The following CYFIP1 variants were observed in gnomAD, a reference collection of about 807,000 sequenced individuals.
CYFIP1 encodes the protein cytoplasmic FMR1 interacting protein 1, also known as cytoplasmic FMR1-interacting protein 1.
In CYFIP1, 58 loss-of-function variants were observed where a neutral mutation model predicts 163.5. The ratio of observed to expected loss-of-function variants is 0.35; its 90% CI spans 0.29 to 0.44. CYFIP1 has a LOEUF of 0.44. Ranked by LOEUF, CYFIP1 falls within the 20% of genes least tolerant of loss-of-function variation. The probability of loss-of-function intolerance (pLI) is 1.00; values close to 1 mark genes in which losing one functional copy is unlikely to be tolerated. For missense variants in CYFIP1, 1,338 were observed against 1,653.8 expected (o/e 0.81, Z 3.31); for synonymous variants, 663 against 660.7 (o/e 1.00, Z -0.05).
At chr15:22,909,457 T>C in intron 20 of CYFIP1, 144 bp from the exon 21 acceptor site, 1 of 907,778 alleles carries the variant, frequency 1.1e-6, no homozygotes, top group Non-Finnish European at 1.7e-6. Context: ...TCTCCCCACA[T>C]ACATGGCAGC....
At chr15:22,899,113 C>T (rs376453967) in intron 22 of CYFIP1, among the ~76,000 whole-genome samples, 21 of 152,176 alleles carry the variant, frequency 1.4e-4, no homozygotes, top group African/African-American at 1.9e-4. Flanking sequence ...GCTAGGATTA[C>T]AGGTGTGAGC....
At chr15:22,902,823 T>C (rs1309516517) in intron 22 of CYFIP1, among the ~76,000 whole-genome samples, 1 of 152,042 alleles carries the variant, frequency 6.6e-6, no homozygotes, top group Non-Finnish European at 1.5e-5. Flanking sequence ...CACCCAGGGG[T>C]CCTGAACAGA....
At chr15:22,939,377 C>A (rs1109036) in intron 7 of CYFIP1, 34 bp downstream of exon 7, 1 of 1,613,628 alleles carries the variant, frequency 6.2e-7, no homozygotes, top group South Asian at 1.1e-5. Context: ...GGCTGCTTGG[C>A]CCATCAACCT....
chr15:22,871,486 T>C (rs1188864733), intron 30 of CYFIP1, among the ~76,000 whole-genome samples: 1 of 152,148 alleles, frequency 6.6e-6, no homozygotes, highest in Non-Finnish European at 1.5e-5. Flanking sequence ...TGGACACAGC[T>C]CTGGGAGCCC....
At chr15:22,960,104 G>A (rs569863897) in intron 1 of CYFIP1, among the ~76,000 whole-genome samples, 3 of 152,300 alleles carry the variant, frequency 2.0e-5, no homozygotes, top group East Asian at 1.9e-4. Flanking sequence ...AGTGTCTCCC[G>A]GGCTCCACCA....
In CYFIP1 at chr15:22,927,924, G is replaced by A. The variant is rs757271926; in HGVS notation, c.1215C>T (p.Ser405=). The A allele has an allele frequency of 2.3e-5, 37 of 1,606,210 alleles. 1 individual carries two copies. Among genetic ancestry groups the A allele is most frequent in the Middle Eastern group, 3.3e-4 (2 of 5,980 alleles). The change falls in exon 12 of 31, where the codon AGC becomes AGT. Residue 405 remains serine (S), a synonymous_variant. Transcript: ENST00000617928. The stretch of plus-strand genomic sequence containing the variant: ...GGCCTACCACTTCCATCACGTGCGC[G>A]CTCCACTGCGACAACAGCTGCAGGC... ...LQGLQLLSQW[S]AHVMEVYSWK...
At chr15:22,918,956 C>A in intron 13 of CYFIP1, 98 bp from the exon 14 acceptor site, 1 of 944,230 alleles carries the variant, frequency 1.1e-6, no homozygotes, top group Non-Finnish European at 1.6e-6. Context: ...TCGCCCACAG[C>A]ACCTTACGCC....
chr15:22,964,271 T>C (rs1436315781), intron 1 of CYFIP1, among the ~76,000 whole-genome samples: 13 of 74,832 alleles, frequency 1.7e-4, no homozygotes, highest in Admixed American at 1.4e-3. Flanking sequence ...CCACTCCTCC[T>C]CACCACACAC....
intron 10 of CYFIP1, 84 bp downstream of exon 10, chr15:22,933,718 T>C: frequency 2.0e-6 from 2 of 985,396 alleles, no homozygotes; most frequent in Non-Finnish European, 3.2e-6. Context: ...GTGTTATCTC[T>C]AGACAAATAA....
At position 22,947,177 on chromosome 15, in the gene CYFIP1, GCA is replaced by G; in HGVS notation, c.107_108del (p.Leu36ProfsTer9). ...AGCTGCTGGGCACCCACCTGGTAGA[GCA>G]GCGAGGATGGCGGGGGCTCGATGCA... ...QPCIEPPPSSLLYQPNFNTNF... is the reference protein window; with the variant it reads ...QPCIEPPPSSXLYQPNFNTNF... On this transcript the variant is annotated frameshift_variant, in exon 2 of 31. Coordinates refer to ENST00000617928, the MANE Select transcript of CYFIP1 (RefSeq NM_014608.6). LOFTEE classifies it high-confidence loss of function. 6.2e-7 allele frequency: 1 copy of G among 1,614,134 alleles called. No homozygotes were observed.
intron 9 of CYFIP1, 128 bp from the exon 10 acceptor site, chr15:22,934,021 CAA>C: frequency 2.0e-6 from 1 of 499,190 alleles, no homozygotes; most frequent in Non-Finnish European, 3.5e-6. Context: ...TGATTCATTA[CAA>C]AAAAAAAACT....
chr15:22,976,135 A>T (rs983504417), intron 1 of CYFIP1, among the ~76,000 whole-genome samples: 2 of 152,048 alleles, frequency 1.3e-5, no homozygotes, highest in African/African-American at 4.8e-5. Flanking sequence ...GAAGCAAACG[A>T]AATGTTGTGT....
At chr15:22,910,450 G>A (rs1323593392) in intron 20 of CYFIP1, 70 bp downstream of exon 20, 19 of 1,318,686 alleles carry the variant, frequency 1.4e-5, no homozygotes, top group South Asian at 8.4e-5. Context: ...GTGAGCCACC[G>A]CACCCAGCCG....
intron 10 of CYFIP1, among the ~76,000 whole-genome samples, chr15:22,933,104 G>A (rs1167964735): frequency 1.3e-5 from 2 of 151,994 alleles, no homozygotes; most frequent in African/African-American, 2.4e-5. Context: ...AAAGTGCTGG[G>A]ATTACAGGCA....
chr15:22,960,472 C>G (rs1454367086), intron 1 of CYFIP1, among the ~76,000 whole-genome samples: 2 of 152,208 alleles, frequency 1.3e-5, no homozygotes, highest in Non-Finnish European at 2.9e-5. Context: ...GTGAACCGAG[C>G]AGGGACCTAA....
chr15:22,879,356 C>G (rs2059682644), intron 26 of CYFIP1, among the ~76,000 whole-genome samples: 2 of 152,132 alleles, frequency 1.3e-5, no homozygotes, highest in Admixed American at 6.5e-5. Flanking sequence ...GACAGCCAGA[C>G]AGCACCACAA....
rs1029031197 is a variant in CYFIP1 at position 22,917,292 on chromosome 15, G to A, written c.1674+496C>T. On this transcript the variant is annotated intron_variant, in intron 15 of 30. Coordinates refer to ENST00000617928, the MANE Select transcript of CYFIP1 (RefSeq NM_014608.6). The surrounding 1 kb of genome is among the most constrained non-coding windows in gnomAD (Gnocchi z 4.2). ...ACCAGCCCCAGGACGGAGGACAGAC[G>A]CAGCGGTGTGGATTAAACCGGGTGT... The A allele has an allele frequency of 4.4e-5, 60 of 1,358,888 alleles. No homozygotes were observed. Among genetic ancestry groups the A allele is most frequent in the Admixed American group, 2.8e-4 (8 of 28,618 alleles). 84.2% of individuals were successfully genotyped at this position (1,358,888 alleles called of 1,614,324 possible).
chr15:22,883,685 C>T (rs1382760764), intron 23 of CYFIP1, among the ~76,000 whole-genome samples: 2 of 151,790 alleles, frequency 1.3e-5, no homozygotes, highest in Admixed American at 6.6e-5. Context: ...GGCGTGGTGG[C>T]AGGTGCCTGT....
chr15:22,919,795 G>A (rs2061113828), intron 13 of CYFIP1, among the ~76,000 whole-genome samples: 1 of 152,136 alleles, frequency 6.6e-6, no homozygotes, highest in African/African-American at 2.4e-5. Context: ...GGCTGAGGCG[G>A]GAGAATCACT....
Sources: allele counts gnomAD v4.1 joint callset (sites outside exome capture counted in the v4.1 genomes callset), GRCh38; gene constraint gnomAD v4.1.1; non-coding constraint Gnocchi (gnomAD v3.1); transcripts MANE v1.5; gene names NCBI Gene and HGNC (gene_info 2026-07-23, HGNC 2026-07-21).